IRAK1BP1: variants seen among roughly 807,000 people sequenced by gnomAD.
IRAK1BP1 encodes the protein interleukin-1 receptor-associated kinase 1-binding protein 1.
A neutral mutation model predicts 28.0 loss-of-function variants in IRAK1BP1; 24 were observed. The observed-to-expected ratio is 0.86, with a 90% CI of 0.62 to 1.20. The LOEUF is 1.20. Ranked by LOEUF, IRAK1BP1 falls within the 50% of genes most tolerant of loss-of-function variation. IRAK1BP1 has a pLI of 0.00. For synonymous variants in IRAK1BP1, 131 were observed against 116.3 expected (o/e 1.13, Z -0.81); for missense variants, 336 against 316.7 (o/e 1.06, Z -0.46).
chr6:78,949,594 T>G (rs558952674), downstream of IRAK1BP1, among the ~76,000 whole-genome samples: 1 of 152,192 alleles, frequency 6.6e-6, no homozygotes, highest in Non-Finnish European at 1.5e-5. Context: ...TTTCCCTGGT[T>G]TTGGTCTCTC....
the IRAK1BP1 span, among the ~76,000 whole-genome samples, chr6:78,967,153 G>T: frequency 6.6e-6 from 1 of 152,058 alleles, no homozygotes. Context: ...CATATAGCAT[G>T]AAATGAATTA....
chr6:78,873,328 T>G (rs1770864715), intron 1 of IRAK1BP1, among the ~76,000 whole-genome samples: 1 of 151,854 alleles, frequency 6.6e-6, no homozygotes, highest in African/African-American at 2.4e-5. Context: ...TCTCAGTTTT[T>G]TATTTGCTGT....
At position 78,894,405 on chromosome 6, in the gene IRAK1BP1, C is replaced by T. The variant is rs921360675; in HGVS notation, c.382-3424C>T. On this transcript the variant is annotated intron_variant, in intron 2 of 3. Coordinates refer to ENST00000369940, the MANE Select transcript of IRAK1BP1 (RefSeq NM_001010844.4). ...GATGGAGAAAGATATGTCATGCTAA[C>T]GTAAATGAAAAGAAAGCTGGAGTGG... 4.6e-5 allele frequency among the ~76,000 whole-genome samples: 7 copies of T among 151,994 alleles called. No individual in the cohort carries two copies. In the East Asian group the frequency reaches 7.7e-4, roughly 17 times the overall value.
rs200832450 is a variant in IRAK1BP1, at chr6:78,879,476, CTT to C, written c.316-5899_316-5898del. Among the ~76,000 whole-genome samples the C allele has an allele frequency of 3.4e-3, 511 of 152,270 alleles. 2 individuals carry two copies. The highest frequency in any genetic ancestry group is 0.011 in the African/African-American group (447 of 41,544). ...GAAGCAATTCGATAAAGAAAGGAGT[CTT>C]TTCAACAAATGTTGCTGCAACAGTC... On this transcript the variant is annotated intron_variant, in intron 1 of 3. Coordinates refer to ENST00000369940, the MANE Select transcript of IRAK1BP1 (RefSeq NM_001010844.4).
At chr6:78,935,620 T>C in intron 4 of IRAK1BP1, 1 of 981,486 alleles carries the variant, frequency 1.0e-6, no homozygotes, top group South Asian at 4.7e-5. Context: ...AAAAGGCATA[T>C]AAGTTTTTGA....
chr6:78,932,425 T>C (rs571265542), intron 4 of IRAK1BP1, among the ~76,000 whole-genome samples: 8 of 147,448 alleles, frequency 5.4e-5, no homozygotes, highest in African/African-American at 1.7e-4. Flanking sequence ...CTTTTTCTTT[T>C]TTTTTTTTTT....
At chr6:78,887,273 A>G (rs887156186) in intron 2 of IRAK1BP1, among the ~76,000 whole-genome samples, 2 of 152,242 alleles carry the variant, frequency 1.3e-5, no homozygotes, top group South Asian at 2.1e-4. Context: ...GACAAAAGGT[A>G]TAGAAAAAGG....
chr6:78,922,893 A>G (rs1772778814), intron 4 of IRAK1BP1, among the ~76,000 whole-genome samples: 2 of 152,196 alleles, frequency 1.3e-5, no homozygotes, highest in Non-Finnish European at 2.9e-5. Flanking sequence ...TGTCACCCCC[A>G]GGCCTGCCCT....
chr6:78,872,863 C>G (rs1050839303), intron 1 of IRAK1BP1, among the ~76,000 whole-genome samples: 1 of 152,056 alleles, frequency 6.6e-6, no homozygotes, highest in African/African-American at 2.4e-5. Context: ...ATCATTTGAA[C>G]TTAAACTTTT....
At chr6:78,970,923 G>A in the IRAK1BP1 span, 19 of 1,430,560 alleles carry the variant, frequency 1.3e-5, no homozygotes, top group Middle Eastern at 1.8e-4. Flanking sequence ...CAACCTGGAT[G>A]TGTTTCCTTT....
chr6:78,943,891 C>G (rs1483154123), intron 4 of IRAK1BP1, among the ~76,000 whole-genome samples: 1 of 145,298 alleles, frequency 6.9e-6, no homozygotes, highest in Non-Finnish European at 1.5e-5. Flanking sequence ...GAGGCTGAGG[C>G]AGAAGAATTG....
chr6:78,894,141 A>C (rs937569059), intron 2 of IRAK1BP1, among the ~76,000 whole-genome samples: 4 of 152,188 alleles, frequency 2.6e-5, no homozygotes, highest in Non-Finnish European at 5.9e-5. Flanking sequence ...AGTTACGGCT[A>C]ATAAGTCAAT....
intron 4 of IRAK1BP1, among the ~76,000 whole-genome samples, chr6:78,918,724 T>A (rs1772637308): frequency 6.6e-6 from 1 of 151,982 alleles, no homozygotes; most frequent in African/African-American, 2.4e-5. Flanking sequence ...TCTAGACCTA[T>A]AACAAGACTT....
chr6:78,897,625 A>G (rs752554352), intron 2 of IRAK1BP1, among the ~76,000 whole-genome samples: 2 of 152,224 alleles, frequency 1.3e-5, no homozygotes, highest in Non-Finnish European at 2.9e-5. Flanking sequence ...ATTCAAGACA[A>G]TATTAGATAA....
At chr6:78,931,598 C>T (rs746444851) in intron 4 of IRAK1BP1, among the ~76,000 whole-genome samples, 2 of 152,034 alleles carry the variant, frequency 1.3e-5, no homozygotes, top group Non-Finnish European at 2.9e-5. Flanking sequence ...TTTCCTGGTG[C>T]ATATAAAATT....
chr6:78,916,577 A>G (rs529878107), intron 4 of IRAK1BP1, among the ~76,000 whole-genome samples: 1 of 152,352 alleles, frequency 6.6e-6, no homozygotes, highest in African/African-American at 2.4e-5. Flanking sequence ...TAAAGAATGC[A>G]GAACAGTGCC....
At position 78,902,828 on chromosome 6, in the gene IRAK1BP1, C is replaced by T. The variant is rs919845328; in HGVS notation, c.*4494C>T. On this transcript the variant is annotated 3_prime_UTR_variant, in exon 4 of 4. Coordinates refer to ENST00000369940, the MANE Select transcript of IRAK1BP1 (RefSeq NM_001010844.4). Reference sequence around the variant, plus strand: ...CATACATACATACATACATAAAATGCCCAGTATCTTACAAGACTGTAGTTC... The same window carrying T: ...CATACATACATACATACATAAAATGTCCAGTATCTTACAAGACTGTAGTTC... The T allele has an allele frequency of 3.6e-6, 2 of 558,998 alleles. No homozygotes were observed. The highest frequency in any genetic ancestry group is 3.1e-5 in the Admixed American group (1 of 32,738). 34.6% of individuals were successfully genotyped at this position (558,998 alleles called of 1,614,324 possible). A position where few individuals can be genotyped will look rare whatever the true frequency, so the allele number is the denominator to read the frequency against.
chr6:78,949,920 C>T (rs1774050799), downstream of IRAK1BP1, among the ~76,000 whole-genome samples: 1 of 152,150 alleles, frequency 6.6e-6, no homozygotes, highest in South Asian at 2.1e-4. Context: ...AACTCCTGAG[C>T]TCAAGTGATC....
At chr6:78,950,710 T>C (rs1171248896), downstream of IRAK1BP1, among the ~76,000 whole-genome samples, 1 of 152,186 alleles carries the variant, frequency 6.6e-6, no homozygotes, top group African/African-American at 2.4e-5. Flanking sequence ...ATCTCTGATA[T>C]TAACAATCTG....
Sources: gnomAD v4.1 joint callset for allele counts (sites outside exome capture counted in the v4.1 genomes callset) on GRCh38, gnomAD v4.1.1 for gene constraint, MANE v1.5 for transcripts, NCBI Gene and HGNC (gene_info 2026-07-23, HGNC 2026-07-21) for gene names.